MAP3K5: variants seen among roughly 807,000 people sequenced by gnomAD.
MAP3K5 encodes mitogen-activated protein kinase kinase kinase 5.
Under a neutral mutation model 158.7 loss-of-function variants are expected in MAP3K5, and 56 were observed. The ratio of observed to expected loss-of-function variants is 0.35; its 90% CI spans 0.28 to 0.44. MAP3K5 has a LOEUF of 0.44. Ranked by LOEUF, MAP3K5 falls within the 20% of genes least tolerant of loss-of-function variation. The pLI, the probability that MAP3K5 is intolerant of heterozygous loss-of-function variation, is 1.00. For synonymous variants in MAP3K5, 579 were observed against 601.7 expected (o/e 0.96, Z 0.55); for missense variants, 1,294 against 1,674.8 (o/e 0.77, Z 3.97).
chr6:136,661,458 C>T (rs962913883), intron 8 of MAP3K5, among the ~76,000 whole-genome samples: 5 of 152,160 alleles, frequency 3.3e-5, no homozygotes, highest in East Asian at 1.9e-4. Flanking sequence ...TGCAGTGGCA[C>T]GATCACTGCT....
chr6:136,569,243 A>G (rs1402191485), intron 25 of MAP3K5, among the ~76,000 whole-genome samples: 4 of 152,224 alleles, frequency 2.6e-5, no homozygotes, highest in Non-Finnish European at 5.9e-5. Context: ...ACGGTCCTGC[A>G]AAGTCATCAC....
chr6:136,608,885 T>C (rs1451110981), intron 18 of MAP3K5, among the ~76,000 whole-genome samples: 1 of 152,244 alleles, frequency 6.6e-6, no homozygotes, highest in East Asian at 1.9e-4. Flanking sequence ...GACCAATTTA[T>C]TGACTGAGCA....
rs575975068 is a variant in MAP3K5 at position 136,642,884 on chromosome 6, T to C, written c.1789-315A>G. 1.5e-4 allele frequency among the ~76,000 whole-genome samples: 23 copies of C among 152,300 alleles called. No homozygotes were observed. The South Asian group carries it at 4.3e-3, about 29-fold the overall frequency. On this transcript the variant is annotated intron_variant, in intron 11 of 29. Transcript: ENST00000359015. The stretch of plus-strand genomic sequence containing the variant: ...TTAATTTTTAAGTAAAAAAAGTCAA[T>C]GATCAAGGTAATTCTATTATTACAG...
At chr6:136,769,775 GGAAGGAAGGAAGGAAGGA>G (rs1784109521) in intron 1 of MAP3K5, among the ~76,000 whole-genome samples, 15 of 45,292 alleles carry the variant, frequency 3.3e-4, no homozygotes, top group African/African-American at 1.5e-3. Context: ...AAGGAAGGAA[GGAAGGAAGGAAGGAAGGA>G]AGGGAGGGAG....
intron 25 of MAP3K5, among the ~76,000 whole-genome samples, chr6:136,579,645 C>T (rs1485463843): frequency 1.3e-5 from 2 of 152,116 alleles, no homozygotes; most frequent in Non-Finnish European, 2.9e-5. Context: ...GTGATGATAA[C>T]GTGTCAATGT....
chr6:136,615,581 GGC>G (rs961629078), intron 15 of MAP3K5, among the ~76,000 whole-genome samples: 2 of 152,182 alleles, frequency 1.3e-5, no homozygotes, highest in African/African-American at 4.8e-5. Context: ...TGGTTCCACA[GGC>G]TGGTCTGTTG....
At chr6:136,791,396 A>C (rs1428566451) in intron 1 of MAP3K5, among the ~76,000 whole-genome samples, 2 of 152,140 alleles carry the variant, frequency 1.3e-5, no homozygotes, top group Non-Finnish European at 2.9e-5. Flanking sequence ...CACTGAAAGG[A>C]GAAAGACTGA....
Position 136,695,879 on chromosome 6 carries a change from A to C in MAP3K5, c.1082+72T>G, listed in dbSNP as rs77163014. 445 of 862,164 alleles carry C rather than the reference A, an allele frequency of 5.2e-4. 2 individuals are homozygous for C. In the East Asian group the frequency reaches 9.4e-3, roughly 18 times the overall value. 53.4% of individuals were successfully genotyped at this position (862,164 alleles called of 1,614,324 possible). On this transcript the variant is annotated intron_variant, in intron 6 of 29. Coordinates refer to ENST00000359015, the MANE Select transcript of MAP3K5 (RefSeq NM_005923.4). ...CTTCTTGCAATGCTGCAGTGAACAC[A>C]TTCTCTGTAAAGAATTGCAGGTTAC...
chr6:136,558,766 C>A, intron 29 of MAP3K5, 34 bp downstream of exon 29: 1 of 1,367,020 alleles, frequency 7.3e-7, no homozygotes, highest in South Asian at 1.2e-5. Flanking sequence ...GCCTGGTGCT[C>A]TTTCCATAGT....
At position 136,695,997 on chromosome 6, in the gene MAP3K5, C is replaced by T; in HGVS notation, c.1036G>A (p.Ala346Thr). The T allele has an allele frequency of 1.9e-6, 3 of 1,613,744 alleles. No individual in the cohort carries two copies. Residue 346 changes from alanine (A) to threonine (T), a missense_variant, in exon 6 of 30, where the codon GCC becomes ACC. Transcript: ENST00000359015. ...TGAAACTTCACATGGTGATGGGAGG[C>T]CAAATCAAAGGTTGGCAGTTTTTCT... ...TLEKLPTFDL[A>T]SHHHVKFHYA...
chr6:136,777,759 T>C (rs1024824290), intron 1 of MAP3K5, among the ~76,000 whole-genome samples: 2 of 152,080 alleles, frequency 1.3e-5, no homozygotes, highest in Non-Finnish European at 2.9e-5. Context: ...TACATCTGCC[T>C]TTATTATCTA....
chr6:136,592,142 T>C (rs1463724734), intron 23 of MAP3K5, 31 bp downstream of exon 23: 6 of 1,532,480 alleles, frequency 3.9e-6, no homozygotes, highest in African/African-American at 1.4e-5. Context: ...ATGTAACCTT[T>C]GGGAAATGAA....
At position 136,561,387 on chromosome 6, in the gene MAP3K5, G is replaced by A. The variant is rs535786382; in HGVS notation, c.3987+146C>T. ...ATCTGTGGAGTTAGCTGATTATCACGTGCCTACCCTGGTCTGTAAGCCTCA... is the reference window on the plus strand; with the variant it reads ...ATCTGTGGAGTTAGCTGATTATCACATGCCTACCCTGGTCTGTAAGCCTCA... On this transcript the variant is annotated intron_variant, in intron 28 of 29. Transcript: ENST00000359015. 5.5e-5 allele frequency: 31 copies of A among 565,620 alleles called. 1 individual carries two copies. Among genetic ancestry groups the A allele is most frequent in the African/African-American group, 3.8e-4 (20 of 53,164 alleles). The allele number at this position is 565,620 out of a possible 1,614,324, so 35.0% of individuals were successfully genotyped here.
intron 5 of MAP3K5, among the ~76,000 whole-genome samples, chr6:136,696,328 T>C (rs901412476): frequency 1.3e-5 from 2 of 152,226 alleles, no homozygotes; most frequent in South Asian, 4.1e-4. Flanking sequence ...CCAAGCATGA[T>C]AGTGCTCTAC....
chr6:136,765,067 G>A (rs1783904821), intron 1 of MAP3K5, among the ~76,000 whole-genome samples: 1 of 152,058 alleles, frequency 6.6e-6, no homozygotes, highest in Admixed American at 6.5e-5. Context: ...ACAAAAATTA[G>A]GAAGTCATCA....
intron 7 of MAP3K5, among the ~76,000 whole-genome samples, chr6:136,689,295 A>G (rs756515144): frequency 6.6e-6 from 1 of 152,234 alleles, no homozygotes; most frequent in Non-Finnish European, 1.5e-5. Context: ...GCAAGACACT[A>G]TTTCTAAAAA....
At chr6:136,759,831 G>C (rs1354676905) in intron 1 of MAP3K5, among the ~76,000 whole-genome samples, 1 of 139,648 alleles carries the variant, frequency 7.2e-6, no homozygotes, top group African/African-American at 2.7e-5. Flanking sequence ...GGCTGAGTCT[G>C]AAAAAAGAGT....
intron 1 of MAP3K5, among the ~76,000 whole-genome samples, chr6:136,776,526 T>C (rs1242382196): frequency 6.6e-6 from 1 of 152,210 alleles, no homozygotes; most frequent in African/African-American, 2.4e-5. Flanking sequence ...ATTATAGGCA[T>C]GAGCCACTGC....
At chr6:136,736,552 C>G (rs959771931) in intron 1 of MAP3K5, among the ~76,000 whole-genome samples, 4 of 152,150 alleles carry the variant, frequency 2.6e-5, no homozygotes, top group African/African-American at 9.7e-5. Flanking sequence ...TAAAACTATT[C>G]ATTGTTAACT....
Sources: gnomAD v4.1 joint callset for allele counts (sites outside exome capture counted in the v4.1 genomes callset) on GRCh38, gnomAD v4.1.1 for gene constraint, MANE v1.5 for transcripts, NCBI Gene and HGNC (gene_info 2026-07-23, HGNC 2026-07-21) for gene names.